CDYL: variants seen among roughly 807,000 people sequenced by gnomAD.
CDYL encodes the protein chromodomain Y-like protein.
In CDYL, 8 loss-of-function variants were observed where a neutral mutation model predicts 47.3. The observed-to-expected ratio is 0.17, with a 90% confidence interval of 0.10 to 0.31. The LOEUF (loss-of-function observed/expected upper bound fraction) is 0.31. Among genes scored for constraint, CDYL ranks in the 10% least tolerant of loss-of-function variants. The pLI is 1.00. For synonymous variants in CDYL, 266 were observed against 265.0 expected, an observed-to-expected ratio of 1.00 and a Z score of -0.04; for missense variants, 471 against 701.4, an observed-to-expected ratio of 0.67 and a Z score of 3.71.
intron 1 of CDYL, among the ~76,000 whole-genome samples, chr6:4,712,101 C>T (rs1426706671): frequency 6.6e-6 from 1 of 152,026 alleles, no homozygotes. Context: ...AAATATATAA[C>T]AGTTAAGTAG....
intron 1 of CDYL, among the ~76,000 whole-genome samples, chr6:4,803,557 G>A (rs949823550): frequency 3.3e-5 from 5 of 152,096 alleles, no homozygotes; most frequent in African/African-American, 4.8e-5. Context: ...CGATAGACAG[G>A]TGTGGGCTCT....
chr6:4,929,493 T>TACACAC (rs71540836), intron 2 of CDYL, among the ~76,000 whole-genome samples: 58,376 of 143,766 alleles, frequency 0.41, 12,036 homozygotes, highest in East Asian at 0.6. Flanking sequence ...ATGTTTTACT[T>TACACAC]ACACACACAC....
At position 4,834,234 on chromosome 6, in the gene CDYL, G is replaced by A. The variant is rs1392830048; in HGVS notation, c.24+57427G>A. Among the ~76,000 whole-genome samples, 3 of 152,090 alleles carry A rather than the reference G, an allele frequency of 2.0e-5. No homozygotes were observed. The East Asian group carries it at 5.8e-4, about 29-fold the overall frequency. On this transcript the variant is annotated intron_variant, in intron 1 of 6. Transcript: ENST00000397588. ...TACCAGTTGTTCCTTTCCATGTTTA[G>A]TGCTTCTTTCAGGAGCTCTTTTAGG...
intron 3 of CDYL, among the ~76,000 whole-genome samples, chr6:4,763,503 C>G (rs1030011374): frequency 6.9e-6 from 1 of 144,530 alleles, no homozygotes; most frequent in Non-Finnish European, 1.5e-5. Context: ...GTAAAGTGTT[C>G]TAAGTTTCTT....
intron 1 of CDYL, among the ~76,000 whole-genome samples, chr6:4,813,687 A>G (rs1581183519): frequency 6.6e-6 from 1 of 152,048 alleles, no homozygotes. Flanking sequence ...GAATCTAATT[A>G]GTTGTTTCTT....
chr6:4,864,951 G>A lies in CDYL; in HGVS notation c.25-26762G>A, dbSNP rs188421061. On this transcript the variant is annotated intron_variant, in intron 1 of 6. Transcript: ENST00000397588. ...CTATAGAAAAAGCAAGAGTGTTAGA[G>A]TGAACTCCAAGTTTCTCTTCAAAGA... is the stretch of plus-strand genomic sequence containing the variant. 2.8e-3 allele frequency among the ~76,000 whole-genome samples: 429 copies of A among 152,352 alleles called. 2 individuals are homozygous for A. Among genetic ancestry groups the A allele is most frequent in the Non-Finnish European group, 4.2e-3 (283 of 68,036 alleles).
chr6:4,904,796 G>C (rs560952899), intron 2 of CDYL, among the ~76,000 whole-genome samples: 36 of 152,198 alleles, frequency 2.4e-4, no homozygotes, highest in African/African-American at 8.2e-4. Context: ...AACGGCTTTG[G>C]GCCTCATCGT....
chr6:4,895,831 C>T (rs965146525), intron 2 of CDYL, among the ~76,000 whole-genome samples: 1 of 152,178 alleles, frequency 6.6e-6, no homozygotes, highest in African/African-American at 2.4e-5. Flanking sequence ...ATAATAGCTT[C>T]CATTTAAATG....
intron 1 of CDYL, among the ~76,000 whole-genome samples, chr6:4,802,516 G>A (rs182585051): frequency 3.3e-4 from 50 of 152,204 alleles, no homozygotes; most frequent in Non-Finnish European, 4.7e-4. Context: ...TCCAGCCTGG[G>A]TGACAGAGTG....
intron 2 of CDYL, among the ~76,000 whole-genome samples, chr6:4,904,053 CTGTT>C: frequency 6.6e-6 from 1 of 152,178 alleles, no homozygotes; most frequent in East Asian, 1.9e-4. Flanking sequence ...ATGATAGGGT[CTGTT>C]TGAAAAGCAT....
intron 6 of CDYL, among the ~76,000 whole-genome samples, chr6:4,952,704 C>G (rs1383166443): frequency 2.6e-5 from 4 of 152,134 alleles, no homozygotes; most frequent in African/African-American, 9.7e-5. Context: ...TTACTGGTTC[C>G]AAAGCCTTTC....
At chr6:4,853,227 C>G (rs1341230418) in intron 1 of CDYL, among the ~76,000 whole-genome samples, 2 of 152,174 alleles carry the variant, frequency 1.3e-5, no homozygotes, top group African/African-American at 4.8e-5. Context: ...TGAGCATGTA[C>G]ATTTGTCAGG....
intron 1 of CDYL, among the ~76,000 whole-genome samples, chr6:4,792,616 A>G (rs371020086): frequency 6.6e-6 from 1 of 151,850 alleles, no homozygotes; most frequent in South Asian, 2.1e-4. Flanking sequence ...TTGTATTTTT[A>G]GTAGAGACAG....
intron 2 of CDYL, among the ~76,000 whole-genome samples, chr6:4,729,974 G>C (rs1441293467): frequency 6.6e-6 from 1 of 151,996 alleles, no homozygotes; most frequent in African/African-American, 2.4e-5. Context: ...AAACCCAAAA[G>C]CTTTTCTATT....
chr6:4,794,333 G>T (rs1202042482), intron 1 of CDYL, among the ~76,000 whole-genome samples: 2 of 152,118 alleles, frequency 1.3e-5, no homozygotes, highest in Non-Finnish European at 2.9e-5. Context: ...TGAGGACTGA[G>T]AATTGACTGT....
chr6:4,946,929 C>T (rs866043877), intron 5 of CDYL, among the ~76,000 whole-genome samples: 4 of 152,192 alleles, frequency 2.6e-5, no homozygotes, highest in Admixed American at 6.5e-5. Context: ...CCACCTCCCT[C>T]GTGCTTCCAG....
intron 1 of CDYL, among the ~76,000 whole-genome samples, chr6:4,811,241 T>G (rs1395379194): frequency 6.6e-6 from 1 of 152,210 alleles, no homozygotes; most frequent in Non-Finnish European, 1.5e-5. Context: ...TGTAAAAACT[T>G]CCTGAACTAT....
intron 3 of CDYL, among the ~76,000 whole-genome samples, chr6:4,763,337 T>A (rs1267570628): frequency 2.0e-5 from 3 of 152,078 alleles, no homozygotes; most frequent in Non-Finnish European, 2.9e-5. Context: ...GAGTTAAATA[T>A]GTAGGTGACT....
intron 3 of CDYL, among the ~76,000 whole-genome samples, chr6:4,936,933 C>A (rs1426785149): frequency 6.6e-6 from 1 of 152,200 alleles, no homozygotes; most frequent in Non-Finnish European, 1.5e-5. Flanking sequence ...TTATATTTTA[C>A]TCCATCCCCA....
Sources: allele counts gnomAD v4.1 joint callset (sites outside exome capture counted in the v4.1 genomes callset), GRCh38; gene constraint gnomAD v4.1.1; transcripts MANE v1.5; gene names NCBI Gene and HGNC (gene_info 2026-07-23, HGNC 2026-07-21).